Variants in ARHGEF3 observed in about 807,000 individuals in gnomAD.
The protein encoded by ARHGEF3 is Rho guanine nucleotide exchange factor 3.
A neutral mutation model predicts 63.2 loss-of-function variants in ARHGEF3; 28 were observed. That is an observed-to-expected ratio of 0.44 (90% confidence interval 0.33 to 0.61). The LOEUF is 0.61. Ranked by LOEUF, ARHGEF3 falls within the 20% of genes least tolerant of loss-of-function variation. ARHGEF3 has a pLI of 0.03. For missense variants in ARHGEF3, 533 were observed against 659.3 expected, an observed-to-expected ratio of 0.81 and a Z score of 2.10; for synonymous variants, 266 against 254.2, an observed-to-expected ratio of 1.05 and a Z score of -0.44.
At chr3:56,912,181 A>G (rs1018971907) in intron 3 of ARHGEF3, among the ~76,000 whole-genome samples, 3 of 152,160 alleles carry the variant, frequency 2.0e-5, no homozygotes, top group Admixed American at 1.3e-4. Context: ...TGTGCAAGAT[A>G]TTTGCATACT....
chr3:56,895,317 G>T (rs1463508099), intron 3 of ARHGEF3, among the ~76,000 whole-genome samples: 2 of 152,154 alleles, frequency 1.3e-5, no homozygotes, highest in Non-Finnish European at 2.9e-5. Context: ...GGCCTCCCCT[G>T]TGCTGAATGA....
intron 2 of ARHGEF3, among the ~76,000 whole-genome samples, chr3:56,965,219 C>T (rs150457770): frequency 2.0e-5 from 3 of 152,256 alleles, no homozygotes. Context: ...AATGTCACTG[C>T]ACTCTAGTCT....
At chr3:56,952,638 T>G (rs1699863815) in intron 3 of ARHGEF3, among the ~76,000 whole-genome samples, 1 of 152,212 alleles carries the variant, frequency 6.6e-6, no homozygotes, top group South Asian at 2.1e-4. Flanking sequence ...AGAAGTAATA[T>G]ATGCGTAAAA....
intron 2 of ARHGEF3, among the ~76,000 whole-genome samples, chr3:56,973,072 A>G (rs1385022855): frequency 2.0e-5 from 3 of 150,426 alleles, no homozygotes; most frequent in Admixed American, 6.7e-5. Flanking sequence ...GCTGGAGTGC[A>G]GTGGTGCGAT....
intron 4 of ARHGEF3, among the ~76,000 whole-genome samples, chr3:56,876,707 G>T (rs1429424014): frequency 6.6e-6 from 1 of 151,850 alleles, no homozygotes. Flanking sequence ...GGAAGAATGT[G>T]AATCCCAATC....
chr3:56,949,008 A>C (rs1237043019), intron 3 of ARHGEF3, among the ~76,000 whole-genome samples: 1 of 152,114 alleles, frequency 6.6e-6, no homozygotes, highest in Admixed American at 6.5e-5. Context: ...CAGCATAAAA[A>C]CAGAACCAAC....
chr3:57,026,048 A>T (rs1051927068), intron 2 of ARHGEF3, among the ~76,000 whole-genome samples: 2 of 151,966 alleles, frequency 1.3e-5, no homozygotes, highest in African/African-American at 2.4e-5. Flanking sequence ...CAAAACCAAC[A>T]CTTAAGATAT....
intron 2 of ARHGEF3, among the ~76,000 whole-genome samples, chr3:56,968,285 A>G (rs1305695987): frequency 2.6e-5 from 1 of 38,360 alleles, no homozygotes; most frequent in Non-Finnish European, 5.2e-5. Flanking sequence ...TAAAATATAT[A>G]TAATATATAT....
chr3:56,828,801 C>T (rs900134771), intron 4 of ARHGEF3, among the ~76,000 whole-genome samples: 11 of 152,130 alleles, frequency 7.2e-5, no homozygotes, highest in African/African-American at 2.2e-4. Context: ...TCTTTAACCA[C>T]GTGTTGCTAC....
chr3:56,918,941 G>A (rs1477138282), intron 3 of ARHGEF3, among the ~76,000 whole-genome samples: 1 of 152,104 alleles, frequency 6.6e-6, no homozygotes, highest in Non-Finnish European at 1.5e-5. Context: ...TCTTCCCAAA[G>A]GCCCTACTTT....
chr3:56,779,568 C>T (rs2036469031), intron 1 of ARHGEF3, among the ~76,000 whole-genome samples: 1 of 152,166 alleles, frequency 6.6e-6, no homozygotes, highest in Non-Finnish European at 1.5e-5. Context: ...TCTTGGCTCA[C>T]TGCAAGCTCC....
chr3:56,968,988 A>T (rs1377926479), intron 2 of ARHGEF3, among the ~76,000 whole-genome samples: 1 of 152,230 alleles, frequency 6.6e-6, no homozygotes, highest in African/African-American at 2.4e-5. Flanking sequence ...ACATAAATTG[A>T]GAACCCCTGC....
chr3:56,935,101 A>C (rs1158686590), intron 3 of ARHGEF3, among the ~76,000 whole-genome samples: 1 of 151,572 alleles, frequency 6.6e-6, no homozygotes, highest in Admixed American at 6.6e-5. Context: ...GATTGTAAAT[A>C]CACCAATTGG....
At chr3:57,007,293 TC>T in intron 2 of ARHGEF3, 1 of 1,289,768 alleles carries the variant, frequency 7.8e-7, no homozygotes, top group Non-Finnish European at 1.0e-6. Flanking sequence ...AACCAGTTGT[TC>T]CTGCCATTGA....
intron 2 of ARHGEF3, among the ~76,000 whole-genome samples, chr3:57,001,786 C>A (rs985457286): frequency 1.3e-5 from 2 of 152,046 alleles, no homozygotes; most frequent in African/African-American, 4.8e-5. Flanking sequence ...TATTTAGGTG[C>A]CAAATTAACC....
chr3:56,764,522 T>C (rs1395931612), intron 2 of ARHGEF3, among the ~76,000 whole-genome samples: 4 of 152,128 alleles, frequency 2.6e-5, no homozygotes, highest in African/African-American at 7.2e-5. Flanking sequence ...CTGAACACCC[T>C]ACGGAATCCC....
intron 2 of ARHGEF3, among the ~76,000 whole-genome samples, chr3:56,968,155 A>T (rs191881815): frequency 0.31 from 12,120 of 39,016 alleles, 2,773 homozygotes; most frequent in Non-Finnish European, 0.43. Flanking sequence ...TATATATAAA[A>T]ATATATATTA....
At chr3:56,995,039 GC>G (rs1701916508) in intron 2 of ARHGEF3, among the ~76,000 whole-genome samples, 1 of 152,084 alleles carries the variant, frequency 6.6e-6, no homozygotes, top group Non-Finnish European at 1.5e-5. Context: ...GTTTCCTGAG[GC>G]CTCAGGAGAC....
intron 3 of ARHGEF3, among the ~76,000 whole-genome samples, chr3:56,923,308 T>C (rs369168948): frequency 1.3e-5 from 2 of 151,366 alleles, no homozygotes; most frequent in Non-Finnish European, 2.9e-5. Context: ...AATTTTTCCA[T>C]AATAAAATAT....
Sources: gnomAD v4.1 joint callset for allele counts (sites outside exome capture counted in the v4.1 genomes callset) on GRCh38, gnomAD v4.1.1 for gene constraint, MANE v1.5 for transcripts, NCBI Gene and HGNC (gene_info 2026-07-23, HGNC 2026-07-21) for gene names.